Variants in CPA6 observed in about 807,000 individuals in gnomAD.
CPA6 encodes the protein carboxypeptidase A6, also known as carboxypeptidase B.
Under a neutral mutation model 63.3 loss-of-function variants are expected in CPA6, and 58 were observed. The ratio of observed to expected loss-of-function variants is 0.92; its 90% CI spans 0.74 to 1.14. The LOEUF (loss-of-function observed/expected upper bound fraction) is 1.14, where lower values mean the gene tolerates loss of function less well. CPA6 is among the 50% of genes most tolerant of loss of function. CPA6 has a pLI of 0.00. For synonymous variants in CPA6, 185 were observed against 179.0 expected (o/e 1.03, Z -0.27); for missense variants, 565 against 526.6 (o/e 1.07, Z -0.71).
intron 1 of CPA6, among the ~76,000 whole-genome samples, chr8:67,702,401 G>T (rs185145911): frequency 6.6e-6 from 1 of 151,514 alleles, no homozygotes; most frequent in African/African-American, 2.5e-5. Context: ...AGGCAGACAT[G>T]AGCAGTGCAG....
At chr8:67,672,779 T>C (rs1487791243) in intron 1 of CPA6, among the ~76,000 whole-genome samples, 1 of 152,228 alleles carries the variant, frequency 6.6e-6, no homozygotes, top group Non-Finnish European at 1.5e-5. Flanking sequence ...CACAAAATGA[T>C]GTTTTGCTTT....
chr8:67,576,959 G>T (rs1055742606), intron 2 of CPA6, among the ~76,000 whole-genome samples: 19 of 152,070 alleles, frequency 1.2e-4, no homozygotes, highest in African/African-American at 1.9e-4. Context: ...CGCCTCCGGG[G>T]TTCAAGCGAT....
chr8:67,595,298 G>A (rs1029735705), intron 2 of CPA6, among the ~76,000 whole-genome samples: 2 of 152,190 alleles, frequency 1.3e-5, no homozygotes, highest in African/African-American at 2.4e-5. Flanking sequence ...CTGCTCGGGG[G>A]TGCCTCCCCA....
intron 1 of CPA6, among the ~76,000 whole-genome samples, chr8:67,691,469 A>G (rs1379994211): frequency 6.6e-6 from 1 of 152,044 alleles, no homozygotes; most frequent in East Asian, 1.9e-4. Context: ...CTCTTTCCTC[A>G]TTTGCTGAAG....
chr8:67,637,552 T>G (rs1815496863), intron 1 of CPA6, among the ~76,000 whole-genome samples: 1 of 151,566 alleles, frequency 6.6e-6, no homozygotes, highest in Non-Finnish European at 1.5e-5. Flanking sequence ...GAACAAACTA[T>G]TTATTCAATA....
chr8:67,703,660 G>A (rs1817072713), intron 1 of CPA6, among the ~76,000 whole-genome samples: 1 of 152,194 alleles, frequency 6.6e-6, no homozygotes, highest in South Asian at 2.1e-4. Flanking sequence ...CGAAGACATG[G>A]ACTCCTTGGA....
intron 6 of CPA6, among the ~76,000 whole-genome samples, chr8:67,487,960 T>C (rs1280431161): frequency 1.3e-5 from 2 of 152,274 alleles, no homozygotes; most frequent in Non-Finnish European, 2.9e-5. Flanking sequence ...TAGCCCTTTG[T>C]CAGATGGGTA....
chr8:67,541,008 G>A lies in CPA6; in HGVS notation c.193-22961C>T, dbSNP rs749260053. Among the ~76,000 whole-genome samples the A allele has an allele frequency of 3.3e-5, 5 of 152,228 alleles. No homozygotes were observed. In the South Asian group the frequency reaches 8.3e-4, roughly 25 times the overall value. On this transcript the variant is annotated intron_variant, in intron 2 of 10. Transcript: ENST00000297770. The stretch of plus-strand genomic sequence containing the variant: ...GGCTTCAGCCCTCTTTCTGGGGAGC[G>A]AATGTTTCTGTCTCACTGGTGTTCC...
At chr8:67,505,940 A>C (rs1316662316) in intron 6 of CPA6, among the ~76,000 whole-genome samples, 1 of 152,068 alleles carries the variant, frequency 6.6e-6, no homozygotes, top group East Asian at 1.9e-4. Flanking sequence ...AAATTTGTAG[A>C]GTTATTTTGT....
chr8:67,617,592 C>T (rs143071262), intron 2 of CPA6, among the ~76,000 whole-genome samples: 22 of 152,302 alleles, frequency 1.4e-4, no homozygotes, highest in Admixed American at 2.6e-4. Flanking sequence ...TGTGTATCTT[C>T]AGCCAGCATA....
chr8:67,465,725 G>A (rs1810911022), intron 8 of CPA6, among the ~76,000 whole-genome samples: 1 of 152,078 alleles, frequency 6.6e-6, no homozygotes, highest in South Asian at 2.1e-4. Flanking sequence ...TACACAGATG[G>A]TTTTAATTCT....
chr8:67,720,192 TTTTGAGCCAG>T (rs1320761235), intron 1 of CPA6, among the ~76,000 whole-genome samples: 15 of 144,142 alleles, frequency 1.0e-4, no homozygotes, highest in African/African-American at 4.2e-4. Context: ...TGGGGGTGCT[TTTTGAGCCAG>T]GATGAGCCAG....
rs376971878 is a variant in CPA6 at position 67,462,612 on chromosome 8, A to G, written c.838+21156T>C. On this transcript the variant is annotated intron_variant, in intron 8 of 10. Transcript: ENST00000297770. ...CAAAGACCCATTCACACTCAAAAGCAATGTGTAATATTGCCTGTTTTCCAC... is the reference window on the plus strand; with the variant it reads ...CAAAGACCCATTCACACTCAAAAGCGATGTGTAATATTGCCTGTTTTCCAC... Among the ~76,000 whole-genome samples the G allele has an allele frequency of 4.6e-5, 7 of 152,308 alleles. No homozygotes were observed. In the East Asian group the frequency reaches 1.2e-3, roughly 25 times the overall value.
intron 3 of CPA6, among the ~76,000 whole-genome samples, chr8:67,514,362 C>T (rs1190567890): frequency 1.3e-5 from 2 of 152,070 alleles, no homozygotes; most frequent in Non-Finnish European, 2.9e-5. Context: ...AATTGATCAC[C>T]TAGGGGCCAG....
At chr8:67,577,903 C>T (rs1813667752) in intron 2 of CPA6, among the ~76,000 whole-genome samples, 1 of 152,130 alleles carries the variant, frequency 6.6e-6, no homozygotes, top group South Asian at 2.1e-4. Context: ...GAATTGTCTA[C>T]CCAGTACATC....
chr8:67,567,072 G>A (rs1483382501), intron 2 of CPA6, among the ~76,000 whole-genome samples: 1 of 152,212 alleles, frequency 6.6e-6, no homozygotes, highest in East Asian at 1.9e-4. Context: ...GACTGAAAGA[G>A]GAGCAGGCAT....
At chr8:67,648,223 A>G (rs1383008662) in intron 1 of CPA6, among the ~76,000 whole-genome samples, 1 of 151,684 alleles carries the variant, frequency 6.6e-6, no homozygotes, top group Non-Finnish European at 1.5e-5. Context: ...GAATAGATGA[A>G]AGATCAGAAA....
intron 2 of CPA6, among the ~76,000 whole-genome samples, chr8:67,621,121 G>T (rs1163534265): frequency 6.6e-6 from 1 of 152,168 alleles, no homozygotes; most frequent in African/African-American, 2.4e-5. Context: ...CTGCATGTTT[G>T]TTGTCACAAG....
chr8:67,528,714 C>T (rs149825019), intron 2 of CPA6, among the ~76,000 whole-genome samples: 1 of 152,132 alleles, frequency 6.6e-6, no homozygotes, highest in Non-Finnish European at 1.5e-5. Context: ...CTCTGTAATG[C>T]CCCATCCTGA....
Sources: allele counts gnomAD v4.1 joint callset (sites outside exome capture counted in the v4.1 genomes callset), GRCh38; gene constraint gnomAD v4.1.1; transcripts MANE v1.5; gene names NCBI Gene and HGNC (gene_info 2026-07-23, HGNC 2026-07-21).